Variants in SLIT3 observed in about 807,000 individuals in gnomAD.
SLIT3 encodes the protein slit homolog 3 protein.
A neutral mutation model predicts 184.0 loss-of-function variants in SLIT3; 68 were observed. The observed-to-expected ratio is 0.37, with a 90% CI of 0.30 to 0.45. The LOEUF (loss-of-function observed/expected upper bound fraction) is 0.45. Among genes scored for constraint, SLIT3 ranks in the 20% least tolerant of loss-of-function variants. The pLI, the probability that SLIT3 is intolerant of heterozygous loss-of-function variation, is 1.00. For synonymous variants in SLIT3, 831 were observed against 828.6 expected (o/e 1.00, Z -0.05); for missense variants, 1,707 against 2,026.0 (o/e 0.84, Z 3.02).
At chr5:168,850,583 A>G (rs969179310) in intron 5 of SLIT3, among the ~76,000 whole-genome samples, 5 of 152,244 alleles carry the variant, frequency 3.3e-5, no homozygotes, top group Non-Finnish European at 7.3e-5. Flanking sequence ...AAAGACTTCA[A>G]CCAACCAAAT....
At position 168,676,784 on chromosome 5, in the gene SLIT3, C is replaced by T. The variant is rs78724792; in HGVS notation, c.3687-3453G>A. Among the ~76,000 whole-genome samples the T allele has an allele frequency of 3.8e-3, 582 of 152,350 alleles. 23 individuals carry two copies. The East Asian group carries it at 0.096, about 25-fold the overall frequency. ...GTCAAGAGACTGCAGCTCAGGCACT[C>T]GCTTCCAACATTATGATTCAGGGAG... On this transcript the variant is annotated intron_variant, in intron 32 of 35. Coordinates refer to ENST00000519560, the MANE Select transcript of SLIT3 (RefSeq NM_003062.4).
rs6874434 is a variant in SLIT3, at chr5:168,874,953, G to A, written c.485+8312C>T. ...GACAAAAATTCACTAGAGCAGGACC[G>A]TGTCTTAGTCATCTTTCTTAAGATT... On this transcript the variant is annotated intron_variant, in intron 5 of 35. Transcript: ENST00000519560. 6.5e-3 allele frequency among the ~76,000 whole-genome samples: 986 copies of A among 152,292 alleles called. 7 individuals are homozygous for A. The highest frequency in any genetic ancestry group is 0.011 in the Non-Finnish European group (764 of 68,036).
At chr5:168,973,776 A>T (rs1049041250) in intron 4 of SLIT3, among the ~76,000 whole-genome samples, 2 of 152,314 alleles carry the variant, frequency 1.3e-5, no homozygotes. Flanking sequence ...ACTAATCAGG[A>T]CTCACACCAT....
intron 18 of SLIT3, 53 bp downstream of exon 18, chr5:168,752,902 C>A: frequency 6.4e-7 from 1 of 1,559,296 alleles, no homozygotes; most frequent in Non-Finnish European, 8.8e-7. Flanking sequence ...GAGGAGAGAG[C>A]GCTGCAGAGT....
At chr5:169,015,999 C>T (rs1300860059) in intron 4 of SLIT3, among the ~76,000 whole-genome samples, 2 of 150,976 alleles carry the variant, frequency 1.3e-5, no homozygotes, top group Admixed American at 6.6e-5. Context: ...TTTCTGTCTG[C>T]CCCCTTGCTC....
intron 5 of SLIT3, among the ~76,000 whole-genome samples, chr5:168,849,555 T>C (rs1229824155): frequency 6.6e-6 from 1 of 152,180 alleles, no homozygotes; most frequent in Non-Finnish European, 1.5e-5. Context: ...AACAAGGAAT[T>C]AACCCATAAG....
intron 1 of SLIT3, among the ~76,000 whole-genome samples, chr5:169,274,384 C>T (rs189455240): frequency 5.3e-5 from 8 of 152,294 alleles, no homozygotes; most frequent in East Asian, 1.9e-4. Context: ...GCATCTATTT[C>T]GTCAAATCGA....
At chr5:169,159,896 T>G (rs1762425355) in intron 4 of SLIT3, among the ~76,000 whole-genome samples, 1 of 152,236 alleles carries the variant, frequency 6.6e-6, no homozygotes, top group African/African-American at 2.4e-5. Flanking sequence ...ATTTTTTGTT[T>G]TTCCTTCATT....
chr5:168,895,708 C>T (rs1171580055), intron 4 of SLIT3, among the ~76,000 whole-genome samples: 4 of 152,160 alleles, frequency 2.6e-5, no homozygotes, highest in African/African-American at 7.2e-5. Context: ...AAAGCAATTA[C>T]AGTTATTGCT....
chr5:168,787,656 C>T (rs753129469), intron 11 of SLIT3, among the ~76,000 whole-genome samples: 11 of 152,144 alleles, frequency 7.2e-5, no homozygotes, highest in Non-Finnish European at 1.3e-4. Context: ...CTCCCTCCCC[C>T]GCACCTCCCA....
rs569554621 is a variant in SLIT3, at chr5:168,863,109, C to T, written c.486-18454G>A. On this transcript the variant is annotated intron_variant, in intron 5 of 35. Coordinates refer to ENST00000519560, the MANE Select transcript of SLIT3 (RefSeq NM_003062.4). The stretch of plus-strand genomic sequence containing the variant: ...AGCATCCACGGACCCAAAACACATG[C>T]AGCCTGTTGACAATGACCCAAAGTC... Among the ~76,000 whole-genome samples, 18 of 152,320 alleles carry T rather than the reference C, an allele frequency of 1.2e-4. 1 individual carries two copies. Among genetic ancestry groups the T allele is most frequent in the African/African-American group, 3.8e-4 (16 of 41,576 alleles).
At chr5:168,806,809 G>A (rs1756980768) in intron 8 of SLIT3, among the ~76,000 whole-genome samples, 1 of 152,118 alleles carries the variant, frequency 6.6e-6, no homozygotes, top group Non-Finnish European at 1.5e-5. Flanking sequence ...GAGTTGCTCC[G>A]CCTGCTCTGT....
chr5:168,801,375 T>C (rs999733726), intron 9 of SLIT3, among the ~76,000 whole-genome samples: 6 of 152,304 alleles, frequency 3.9e-5, no homozygotes, highest in South Asian at 2.1e-4. Context: ...ATATTTGCTA[T>C]TGTTAAGTGG....
chr5:169,030,553 A>G (rs1004263539), intron 4 of SLIT3: 2 of 152,248 alleles, frequency 1.3e-5, no homozygotes, highest in African/African-American at 4.8e-5. Flanking sequence ...ATGCCAATGA[A>G]TAATGCATTT....
At chr5:168,781,100 A>C (rs779437837) in intron 12 of SLIT3, among the ~76,000 whole-genome samples, 4 of 152,220 alleles carry the variant, frequency 2.6e-5, no homozygotes, top group South Asian at 4.1e-4. Flanking sequence ...CCGATGCAAG[A>C]GTAACCAGGC....
At chr5:169,150,277 G>C (rs1762071134) in intron 4 of SLIT3, among the ~76,000 whole-genome samples, 1 of 152,142 alleles carries the variant, frequency 6.6e-6, no homozygotes, top group Admixed American at 6.5e-5. Context: ...CTTCACGGCA[G>C]AGAAAAACAT....
At chr5:168,860,019 T>C (rs893791837) in intron 5 of SLIT3, among the ~76,000 whole-genome samples, 1 of 152,220 alleles carries the variant, frequency 6.6e-6, no homozygotes, top group Non-Finnish European at 1.5e-5. Context: ...CATCACCGTT[T>C]GCCTTTAGGT....
intron 1 of SLIT3, among the ~76,000 whole-genome samples, chr5:169,292,238 T>A (rs959905722): frequency 6.6e-6 from 1 of 152,200 alleles, no homozygotes; most frequent in African/African-American, 2.4e-5. Flanking sequence ...CAGGCTGAAC[T>A]TTTTACCAGG....
intron 4 of SLIT3, among the ~76,000 whole-genome samples, chr5:169,092,171 C>T (rs1301632208): frequency 2.0e-5 from 3 of 152,022 alleles, no homozygotes; most frequent in South Asian, 2.1e-4. Context: ...TGCAGTGAGC[C>T]GAGATCGTGC....
Sources: gnomAD v4.1 joint callset for allele counts (sites outside exome capture counted in the v4.1 genomes callset) on GRCh38, gnomAD v4.1.1 for gene constraint, MANE v1.5 for transcripts, NCBI Gene and HGNC (gene_info 2026-07-23, HGNC 2026-07-21) for gene names.